Variants in KCNK10 observed in about 807,000 individuals in gnomAD.
KCNK10 encodes potassium two pore domain channel subfamily K member 10, also known as potassium channel subfamily K member 10.
Under a neutral mutation model 47.7 loss-of-function variants are expected in KCNK10, and 25 were observed. The observed-to-expected ratio is 0.52, with a 90% CI of 0.38 to 0.73. The LOEUF is 0.73. KCNK10 is among the 30% of genes least tolerant of loss of function. The pLI is 0.00. For synonymous variants in KCNK10, 303 were observed against 285.6 expected, an observed-to-expected ratio of 1.06 and a Z score of -0.61; for missense variants, 563 against 714.5, an observed-to-expected ratio of 0.79 and a Z score of 2.42.
intron 4 of KCNK10, among the ~76,000 whole-genome samples, chr14:88,216,520 A>G (rs1331450215): frequency 2.6e-5 from 4 of 152,188 alleles, no homozygotes; most frequent in Non-Finnish European, 5.9e-5. Context: ...CCTATGACAA[A>G]GAATTATCCA....
chr14:88,250,511 T>A (rs1257293151), intron 2 of KCNK10, among the ~76,000 whole-genome samples: 1 of 152,162 alleles, frequency 6.6e-6, no homozygotes, highest in Non-Finnish European at 1.5e-5. Flanking sequence ...GACTAAAGAC[T>A]GCTTGAAATA....
chr14:88,299,314 T>C (rs975116366), intron 1 of KCNK10, among the ~76,000 whole-genome samples: 4 of 152,238 alleles, frequency 2.6e-5, no homozygotes, highest in African/African-American at 9.7e-5. Flanking sequence ...AGATGGCTTA[T>C]CTAAAAGCTG....
At chr14:88,252,374 C>A (rs772657383) in intron 2 of KCNK10, among the ~76,000 whole-genome samples, 2 of 152,086 alleles carry the variant, frequency 1.3e-5, no homozygotes, top group Non-Finnish European at 2.9e-5. Context: ...AGTAGGCAAT[C>A]AACAAGTTTG....
intron 1 of KCNK10, among the ~76,000 whole-genome samples, chr14:88,308,182 C>A (rs777207804): frequency 1.3e-5 from 2 of 152,072 alleles, no homozygotes; most frequent in Non-Finnish European, 2.9e-5. Context: ...ATCACTAGGA[C>A]GAGCTTAAAA....
At chr14:88,286,795 GC>G (rs570181128) in intron 1 of KCNK10, among the ~76,000 whole-genome samples, 1 of 151,984 alleles carries the variant, frequency 6.6e-6, no homozygotes, top group Admixed American at 6.6e-5. Context: ...TGGGGGAACC[GC>G]CCCCATGATT....
intron 4 of KCNK10, among the ~76,000 whole-genome samples, chr14:88,202,598 C>T (rs1885135984): frequency 6.6e-6 from 1 of 152,210 alleles, no homozygotes; most frequent in Non-Finnish European, 1.5e-5. Flanking sequence ...CACTGGCACC[C>T]GCCACTCCCC....
rs59088203 is a variant in KCNK10, at chr14:88,267,375, CT to C, written c.53-3825del. 6.4e-3 allele frequency among the ~76,000 whole-genome samples: 932 copies of C among 144,840 alleles called. 1 individual carries two copies. The highest frequency in any genetic ancestry group is 7.8e-3 in the African/African-American group (308 of 39,602). ...GATAAATTCTTTTCTTTTTCTTTTT[CT>C]TTTTTTTTTTTTGAGACGGAGTCTT... On this transcript the variant is annotated intron_variant, in intron 1 of 6. Transcript: ENST00000319231.
chr14:88,317,325 C>G (rs1017719692), intron 1 of KCNK10, among the ~76,000 whole-genome samples: 11 of 152,128 alleles, frequency 7.2e-5, no homozygotes, highest in African/African-American at 2.7e-4. Flanking sequence ...TTGAAAATGG[C>G]CCCCATTCAC....
At chr14:88,326,535 A>G, upstream of KCNK10, 4 of 1,148,866 alleles carry the variant, frequency 3.5e-6, no homozygotes, top group South Asian at 1.3e-5. Flanking sequence ...CAGGCGGGTT[A>G]AGTCTGGTGG....
At chr14:88,213,403 GA>G (rs1885522279) in intron 4 of KCNK10, among the ~76,000 whole-genome samples, 2 of 152,158 alleles carry the variant, frequency 1.3e-5, no homozygotes, top group African/African-American at 4.8e-5. Flanking sequence ...GAAAATTGGT[GA>G]TAAAGCATGA....
At chr14:88,284,995 G>A (rs2139775903) in intron 1 of KCNK10, among the ~76,000 whole-genome samples, 1 of 152,320 alleles carries the variant, frequency 6.6e-6, no homozygotes, top group Non-Finnish European at 1.5e-5. Context: ...TTAAATAACT[G>A]CTAGTTGTAA....
intron 2 of KCNK10, among the ~76,000 whole-genome samples, chr14:88,257,713 A>T (rs1213471503): frequency 6.6e-6 from 1 of 152,218 alleles, no homozygotes; most frequent in African/African-American, 2.4e-5. Context: ...TCCTCACAGA[A>T]CAGCTGTGGG....
chr14:88,257,159 T>C (rs565553077), intron 2 of KCNK10, among the ~76,000 whole-genome samples: 4 of 152,316 alleles, frequency 2.6e-5, no homozygotes, highest in Admixed American at 6.5e-5. Context: ...ACCTGTGATG[T>C]TGCAACATTC....
At chr14:88,319,741 C>T (rs180795572) in intron 1 of KCNK10, among the ~76,000 whole-genome samples, 2 of 152,216 alleles carry the variant, frequency 1.3e-5, no homozygotes, top group Admixed American at 6.5e-5. Context: ...ACTTCCTGAG[C>T]TTTGGGAACC....
chr14:88,277,626 C>T (rs1887553881), intron 1 of KCNK10, among the ~76,000 whole-genome samples: 1 of 152,172 alleles, frequency 6.6e-6, no homozygotes, highest in Non-Finnish European at 1.5e-5. Context: ...GAGGAATCAA[C>T]AGACTTACTT....
intron 2 of KCNK10, among the ~76,000 whole-genome samples, chr14:88,248,357 G>A (rs1377367140): frequency 6.6e-6 from 1 of 152,132 alleles, no homozygotes; most frequent in East Asian, 1.9e-4. Context: ...AGAGGCTTCT[G>A]CTATCTTGCT....
At chr14:88,271,876 C>T (rs1404507875) in intron 1 of KCNK10, among the ~76,000 whole-genome samples, 1 of 151,842 alleles carries the variant, frequency 6.6e-6, no homozygotes, top group Non-Finnish European at 1.5e-5. Context: ...CGACAGTTTC[C>T]CCTGATTTTT....
chr14:88,263,585 G>T (rs925567271), intron 1 of KCNK10, 34 bp from the exon 2 acceptor site: 5 of 1,559,766 alleles, frequency 3.2e-6, no homozygotes, highest in Non-Finnish European at 4.4e-6. Flanking sequence ...AAGAAGAAGA[G>T]AGTTTGTTTA....
chr14:88,263,481 A>G lies in KCNK10; in HGVS notation c.123T>C (p.Ala41=), dbSNP rs773136954. 2.7e-5 allele frequency: 43 copies of G among 1,613,794 alleles called. No individual in the cohort carries two copies. The highest frequency in any genetic ancestry group is 7.6e-6 in the Non-Finnish European group (9 of 1,180,052). ...SATNGQPPAP[A]PTPTPRLSIS... is the part of the protein sequence containing the mutation. ...TGGACAGGCGCGGAGTTGGAGTCGGAGCCGGAGCCGGGGGTTGCCCGTTAG... is the reference window on the plus strand; with the variant it reads ...TGGACAGGCGCGGAGTTGGAGTCGGGGCCGGAGCCGGGGGTTGCCCGTTAG... The change falls in exon 2 of 7, where the codon GCT becomes GCC. Residue 41 remains alanine, a synonymous_variant. Coordinates refer to ENST00000319231, the MANE Select transcript of KCNK10 (RefSeq NM_138317.3).
Sources: gnomAD v4.1 joint callset for allele counts (sites outside exome capture counted in the v4.1 genomes callset) on GRCh38, gnomAD v4.1.1 for gene constraint, MANE v1.5 for transcripts, NCBI Gene and HGNC (gene_info 2026-07-23, HGNC 2026-07-21) for gene names.